Variants in DNER observed in about 807,000 individuals in gnomAD.
The protein encoded by DNER is delta and Notch-like epidermal growth factor-related receptor.
Under a neutral mutation model 78.2 loss-of-function variants are expected in DNER, and 33 were observed. That is an observed-to-expected ratio of 0.42 (90% confidence interval 0.32 to 0.56). DNER has a LOEUF of 0.56. Among genes scored for constraint, DNER ranks in the 20% least tolerant of loss-of-function variants. The pLI is 0.11. For missense variants in DNER, 918 were observed against 975.3 expected, an observed-to-expected ratio of 0.94 and a Z score of 0.78; for synonymous variants, 417 against 384.8, an observed-to-expected ratio of 1.08 and a Z score of -0.98.
intron 1 of DNER, among the ~76,000 whole-genome samples, chr2:229,707,949 G>C (rs139381030): frequency 1.4e-4 from 22 of 152,168 alleles, no homozygotes; most frequent in African/African-American, 4.8e-4. Flanking sequence ...TTCAAGGTTG[G>C]CATCAGGATC....
intron 1 of DNER, among the ~76,000 whole-genome samples, chr2:229,602,739 T>C (rs141039072): frequency 6.6e-6 from 1 of 152,234 alleles, no homozygotes; most frequent in Non-Finnish European, 1.5e-5. Flanking sequence ...TAGTAATAAA[T>C]CAAATGTTAA....
rs149724158 is a variant in DNER, at chr2:229,523,591, A to G, written c.994-10655T>C. Among the ~76,000 whole-genome samples the G allele has an allele frequency of 1.8e-3, 273 of 152,296 alleles. 1 individual carries two copies. Among genetic ancestry groups the G allele is most frequent in the African/African-American group, 6.5e-3 (269 of 41,558 alleles). ...TTACCTCTTTAAAGAGCCTACCTAA[A>G]TACAGTCACACTCTTAGTACCGCAG... is the stretch of plus-strand genomic sequence containing the variant. On this transcript the variant is annotated intron_variant, in intron 5 of 12. Coordinates refer to ENST00000341772, the MANE Select transcript of DNER (RefSeq NM_139072.4).
At chr2:229,568,710 A>G (rs1282780884) in intron 4 of DNER, among the ~76,000 whole-genome samples, 1 of 152,000 alleles carries the variant, frequency 6.6e-6, no homozygotes, top group African/African-American at 2.4e-5. Context: ...GCTCCAAGCT[A>G]TACGTTTCCT....
At chr2:229,592,678 G>GGTA (rs555186773) in intron 1 of DNER, among the ~76,000 whole-genome samples, 2,417 of 152,204 alleles carry the variant, frequency 0.016, 68 homozygotes, top group African/African-American at 0.055. Flanking sequence ...GTTGGTAGTT[G>GGTA]CAGACACGCT....
chr2:229,581,608 C>A (rs1470876118), intron 4 of DNER, among the ~76,000 whole-genome samples: 1 of 152,162 alleles, frequency 6.6e-6, no homozygotes, highest in African/African-American at 2.4e-5. Flanking sequence ...TCAACTCTTT[C>A]TTTCTGCAAA....
chr2:229,429,771 A>G (rs1693966749), intron 8 of DNER, among the ~76,000 whole-genome samples: 1 of 152,220 alleles, frequency 6.6e-6, no homozygotes, highest in Non-Finnish European at 1.5e-5. Context: ...AGGAACTTGA[A>G]GATCTAAATT....
chr2:229,668,538 A>G lies in DNER; in HGVS notation c.276+45610T>C, dbSNP rs1263636943. Among the ~76,000 whole-genome samples, 46 of 2,584 alleles carry G rather than the reference A, an allele frequency of 0.018. No individual in the cohort carries two copies. In the East Asian group the frequency reaches 0.21, roughly 12 times the overall value. 1.7% of individuals were successfully genotyped at this position (2,584 alleles called of 152,430 possible). A position where few individuals can be genotyped will look rare whatever the true frequency, so the allele number is the denominator to read the frequency against. On this transcript the variant is annotated intron_variant, in intron 1 of 12. Transcript: ENST00000341772. ...AGTATGTGTGTGTGTGTGTGTGTGTATATATATATATATATATATATATAT... is the reference window on the plus strand; with the variant it reads ...AGTATGTGTGTGTGTGTGTGTGTGTGTATATATATATATATATATATATAT...
At position 229,666,808 on chromosome 2, in the gene DNER, T is replaced by C. The variant is rs1016201733; in HGVS notation, c.276+47340A>G. ...GCCAGAAAGACAGAGTTCAGCTGTA[T>C]AGCATTATGGTTCTGTGACTGGGCT... On this transcript the variant is annotated intron_variant, in intron 1 of 12. Coordinates refer to ENST00000341772, the MANE Select transcript of DNER (RefSeq NM_139072.4). Among the ~76,000 whole-genome samples the C allele has an allele frequency of 2.6e-5, 4 of 152,200 alleles. No homozygotes were observed. The East Asian group carries it at 7.7e-4, about 29-fold the overall frequency.
At chr2:229,562,748 A>T (rs949536470) in intron 4 of DNER, among the ~76,000 whole-genome samples, 1 of 152,120 alleles carries the variant, frequency 6.6e-6, no homozygotes, top group Non-Finnish European at 1.5e-5. Context: ...TCTTTCTAAA[A>T]TAAAAATAAT....
chr2:229,447,533 G>A lies in DNER; in HGVS notation c.1269C>T (p.Phe423=), dbSNP rs267599244. ...GFTCQCPEGY[F]GSACEEKVDP... ...CCACCTTTTCTTCACAAGCAGATCC[G>A]AAGTATCCTGTGAAAAAACACATGA... Residue 423 remains phenylalanine, a synonymous_variant, in exon 8 of 13, where the codon TTC becomes TTT. Transcript: ENST00000341772. 20 of 1,613,760 alleles carry A rather than the reference G, an allele frequency of 1.2e-5. No homozygotes were observed. The highest frequency in any genetic ancestry group is 3.3e-5 in the Admixed American group (2 of 59,966).
At chr2:229,524,397 T>A (rs1429225971) in intron 5 of DNER, among the ~76,000 whole-genome samples, 1 of 152,240 alleles carries the variant, frequency 6.6e-6, no homozygotes, top group Non-Finnish European at 1.5e-5. Flanking sequence ...TTTTAAAATT[T>A]AACTGTTGAA....
chr2:229,488,754 C>A (rs1221657078), intron 6 of DNER, among the ~76,000 whole-genome samples: 1 of 152,266 alleles, frequency 6.6e-6, no homozygotes, highest in Non-Finnish European at 1.5e-5. Context: ...CCATTCAGGC[C>A]TGGCTTTCCT....
intron 5 of DNER, among the ~76,000 whole-genome samples, chr2:229,539,860 A>G (rs556493243): frequency 6.6e-6 from 1 of 152,198 alleles, no homozygotes; most frequent in South Asian, 2.1e-4. Flanking sequence ...CTCCCACAGC[A>G]CACAACACAC....
At position 229,358,488 on chromosome 2, in the gene DNER, T is replaced by C; in HGVS notation, c.*52A>G. 1 of 1,349,152 alleles carries C rather than the reference T, an allele frequency of 7.4e-7. No homozygotes were observed. Among genetic ancestry groups the C allele is most frequent in the Non-Finnish European group, 1.0e-6 (1 of 993,068 alleles). The allele number at this position is 1,349,152 out of a possible 1,614,324, so 83.6% of individuals were successfully genotyped here. ...CTTAAGCTTTTTATTTTCTTAAAAA[T>C]ATTTAAATGAGTGTAGTATCTCATC... On this transcript the variant is annotated 3_prime_UTR_variant, in exon 13 of 13. Transcript: ENST00000341772.
At chr2:229,534,183 T>C (rs961435191) in intron 5 of DNER, among the ~76,000 whole-genome samples, 1 of 151,872 alleles carries the variant, frequency 6.6e-6, no homozygotes, top group Non-Finnish European at 1.5e-5. Context: ...AACAGACCAA[T>C]AGATTGTAAC....
At chr2:229,546,907 G>A in intron 5 of DNER, 40 bp downstream of exon 5, 4 of 1,612,436 alleles carry the variant, frequency 2.5e-6, no homozygotes, top group Non-Finnish European at 3.4e-6. Flanking sequence ...AAATATTCAT[G>A]TAAATATGTG....
intron 1 of DNER, among the ~76,000 whole-genome samples, chr2:229,678,385 G>A (rs187973613): frequency 6.6e-5 from 10 of 152,272 alleles, no homozygotes; most frequent in African/African-American, 2.4e-4. Flanking sequence ...GAATTCTTCA[G>A]GAAGGCAAAT....
intron 8 of DNER, among the ~76,000 whole-genome samples, chr2:229,423,336 C>A (rs112733553): frequency 6.6e-6 from 1 of 152,006 alleles, no homozygotes; most frequent in Non-Finnish European, 1.5e-5. Context: ...AGTTTTAAGC[C>A]GGGCACAGTG....
intron 1 of DNER, among the ~76,000 whole-genome samples, chr2:229,679,816 A>G (rs1460468819): frequency 6.6e-6 from 1 of 152,162 alleles, no homozygotes; most frequent in Non-Finnish European, 1.5e-5. Flanking sequence ...AATGTTAACC[A>G]CATGTCCTAA....
Sources: gnomAD v4.1 joint callset for allele counts (sites outside exome capture counted in the v4.1 genomes callset) on GRCh38, gnomAD v4.1.1 for gene constraint, MANE v1.5 for transcripts, NCBI Gene and HGNC (gene_info 2026-07-23, HGNC 2026-07-21) for gene names.